The following TMEM179 variants were observed in gnomAD, a reference collection of about 807,000 sequenced individuals.
The protein encoded by TMEM179 is transmembrane protein 179.
Under a neutral mutation model 22.2 loss-of-function variants are expected in TMEM179, and 17 were observed. That is an observed-to-expected ratio of 0.77 (90% CI 0.52 to 1.15). The LOEUF is 1.15. TMEM179 is among the 50% of genes most tolerant of loss of function. TMEM179 has a pLI of 0.00. For missense variants in TMEM179, 265 were observed against 313.6 expected (o/e 0.84, Z 1.17); for synonymous variants, 127 against 140.5 (o/e 0.90, Z 0.68).
At position 104,593,491 on chromosome 14, in the gene TMEM179, G is replaced by A. The variant is rs1886909175; in HGVS notation, c.690C>T (p.Ser230=). Residue 230 remains serine, a synonymous_variant, in exon 4 of 4, where the codon AGC becomes AGT. Transcript: ENST00000556573. The part of the protein sequence containing the change: ...SPRTSFQEEK[S]AVI Reference sequence around the variant, plus strand: ...GCCTGCACTGTGCCTAAATGACAGCGCTCTTCTCCTCTTGGAAGGAGGTGC... The same window carrying A: ...GCCTGCACTGTGCCTAAATGACAGCACTCTTCTCCTCTTGGAAGGAGGTGC... 3.9e-6 allele frequency: 6 copies of A among 1,535,914 alleles called. No individual in the cohort carries two copies. The highest frequency in any genetic ancestry group is 4.4e-6 in the Non-Finnish European group (5 of 1,146,840).
chr14:104,594,948 C>T, intron 3 of TMEM179: 3 of 1,398,862 alleles, frequency 2.1e-6, no homozygotes, highest in Non-Finnish European at 1.9e-6. Flanking sequence ...TCACTGTGGC[C>T]ATCTCCTCCC....
chr14:104,594,677 G>A (rs1566742414), intron 3 of TMEM179: 1 of 1,200,386 alleles, frequency 8.3e-7, no homozygotes, highest in Middle Eastern at 3.3e-4. Flanking sequence ...AGGGCAGGGT[G>A]GCAAATCTGA....
At position 104,597,235 on chromosome 14, in the gene TMEM179, C is replaced by G; in HGVS notation, c.306-108G>C. ...GAGGGGCAGGCTCACTGGACGCCAT[C>G]TCCTGGGCAACCCCCACCAGCAGCA... On this transcript the variant is annotated intron_variant, in intron 1 of 3. Coordinates refer to ENST00000556573, the MANE Select transcript of TMEM179 (RefSeq NM_001286389.2). This position sits in a 1 kb window ranked among gnomAD's most constrained non-coding sequence, Gnocchi z 4.8. The G allele has an allele frequency of 1.4e-6, 2 of 1,432,294 alleles. No individual in the cohort carries two copies. Among genetic ancestry groups the G allele is most frequent in the Non-Finnish European group, 1.9e-6 (2 of 1,077,700 alleles). 88.7% of individuals were successfully genotyped at this position (1,432,294 alleles called of 1,614,324 possible). A position where few individuals can be genotyped will look rare whatever the true frequency, so the allele number is the denominator to read the frequency against.
intron 3 of TMEM179, 62 bp from the exon 4 acceptor site, chr14:104,593,720 T>A: frequency 7.1e-7 from 1 of 1,417,906 alleles, no homozygotes; most frequent in East Asian, 2.6e-5. Context: ...TGCAACCCCC[T>A]CCCACCAGCC....
In TMEM179 at chr14:104,597,149, G is replaced by T; in HGVS notation, c.306-22C>A. 1 of 1,567,564 alleles carries T rather than the reference G, an allele frequency of 6.4e-7. No homozygotes were observed. ...GGAGCTGCAGCCAGAAACAGGAGGG[G>T]CAGGCTCACTGGACACCACCTCCCA... On this transcript the variant is annotated intron_variant, in intron 1 of 3. Transcript: ENST00000556573. The surrounding 1 kb of genome is among the most constrained non-coding windows in gnomAD (Gnocchi z 4.8).
rs75029609 is a variant in TMEM179, at chr14:104,591,397, C to T, written c.*2082G>A. On this transcript the variant is annotated 3_prime_UTR_variant, in exon 4 of 4. Transcript: ENST00000556573. ...GCCACCCCACCTTCTGCTGGGGACA[C>T]AGACAAGGAGCTCTCCGGACTGGAA... is the stretch of plus-strand genomic sequence containing the variant. The T allele has an allele frequency of 3.5e-5, 16 of 456,034 alleles. No homozygotes were observed. The East Asian group carries it at 1.1e-3, about 32-fold the overall frequency. The allele number at this position is 456,034 out of a possible 1,614,324, so 28.2% of individuals were successfully genotyped here.
At chr14:104,603,351 T>C (rs1389313755) in intron 1 of TMEM179, among the ~76,000 whole-genome samples, 4 of 151,716 alleles carry the variant, frequency 2.6e-5, no homozygotes, top group Non-Finnish European at 5.9e-5. Flanking sequence ...GTGCAGGAAG[T>C]GAAAACCTAC....
Position 104,592,715 on chromosome 14 carries a change from C to T in TMEM179, c.*764G>A, listed in dbSNP as rs1433612582. Among the ~76,000 whole-genome samples the T allele has an allele frequency of 5.3e-5, 8 of 152,328 alleles. No individual in the cohort carries two copies. In the East Asian group the frequency reaches 1.5e-3, roughly 29 times the overall value. ...GCACAAAGGCACTCACAATCACATC[C>T]TCCCATACTCACCCACACACAGACC... On this transcript the variant is annotated 3_prime_UTR_variant, in exon 4 of 4. Transcript: ENST00000556573.
intron 2 of TMEM179, 105 bp downstream of exon 2, chr14:104,596,885 G>T: frequency 2.1e-6 from 3 of 1,448,518 alleles, no homozygotes; most frequent in Non-Finnish European, 2.8e-6. Flanking sequence ...AGGGACCGCA[G>T]ACTCAGGATG....
intron 2 of TMEM179, 134 bp downstream of exon 2, chr14:104,596,856 C>T: frequency 4.3e-6 from 5 of 1,154,252 alleles, no homozygotes; most frequent in Non-Finnish European, 4.9e-6. Context: ...CAGGCAGGGG[C>T]ACAGTGCACA....
intron 3 of TMEM179, chr14:104,594,082 T>C: frequency 8.1e-7 from 1 of 1,233,512 alleles, no homozygotes; most frequent in Non-Finnish European, 1.0e-6. Context: ...AGCCGCTGTT[T>C]CCAAACAGTT....
At chr14:104,600,154 G>A (rs537237975) in intron 1 of TMEM179, among the ~76,000 whole-genome samples, 2 of 152,336 alleles carry the variant, frequency 1.3e-5, no homozygotes, top group Admixed American at 1.3e-4. Context: ...TGCCCAGGCT[G>A]TCCAGGTCGT....
rs199711419 is a variant in TMEM179 at position 104,591,266 on chromosome 14, C to T, written c.*2213G>A. 2 of 428,298 alleles carry T rather than the reference C, an allele frequency of 4.7e-6. No homozygotes were observed. Among genetic ancestry groups the T allele is most frequent in the Non-Finnish European group, 9.3e-6 (2 of 215,630 alleles). The allele number at this position is 428,298 out of a possible 1,614,324, so 26.5% of individuals were successfully genotyped here. On this transcript the variant is annotated 3_prime_UTR_variant, in exon 4 of 4. Transcript: ENST00000556573. ...TGCAGCCCCCAAGAACAGACCCAAC[C>T]GGGGCCAAGCCTCAGGTTCCAGAAG... is the stretch of plus-strand genomic sequence containing the variant.
intron 1 of TMEM179, among the ~76,000 whole-genome samples, chr14:104,600,627 C>T (rs1258595285): frequency 6.6e-6 from 1 of 152,226 alleles, no homozygotes; most frequent in African/African-American, 2.4e-5. Context: ...TTCATTCATT[C>T]ATTCATTCAT....
chr14:104,596,914 C>A, intron 2 of TMEM179, 76 bp downstream of exon 2: 1 of 1,543,590 alleles, frequency 6.5e-7, no homozygotes, highest in South Asian at 1.2e-5. Flanking sequence ...GAGGGAAGAT[C>A]ACCCACAGCA....
At position 104,599,793 on chromosome 14, in the gene TMEM179, CA is replaced by C. The variant is rs1350159005; in HGVS notation, c.306-2667del. Among the ~76,000 whole-genome samples the C allele has an allele frequency of 2.0e-5, 3 of 152,106 alleles. No individual in the cohort carries two copies. In the East Asian group the frequency reaches 5.8e-4, roughly 29 times the overall value. The stretch of plus-strand genomic sequence containing the variant: ...CAGAGAGAGAATGGAGAAGGAGACG[CA>C]CTCTGAAGAGCAGGGTCTTTCAGAC... On this transcript the variant is annotated intron_variant, in intron 1 of 3. Coordinates refer to ENST00000556573, the MANE Select transcript of TMEM179 (RefSeq NM_001286389.2).
In TMEM179 at chr14:104,592,192, ACACG is replaced by A. The variant is rs983297825; in HGVS notation, c.*1283_*1286del. 1.4e-4 allele frequency: 22 copies of A among 154,252 alleles called. No homozygotes were observed. Among genetic ancestry groups the A allele is most frequent in the African/African-American group, 5.3e-4 (22 of 41,438 alleles). The allele number at this position is 154,252 out of a possible 1,614,324, so 9.6% of individuals were successfully genotyped here. ...AGGCGTGCACATGCTCACATGCAAC[ACACG>A]CACATTCACATGCACTTACGCACAT... On this transcript the variant is annotated 3_prime_UTR_variant, in exon 4 of 4. Transcript: ENST00000556573.
rs566089387 is a variant in TMEM179 at position 104,594,386 on chromosome 14, G to A, written c.523-728C>T. On this transcript the variant is annotated intron_variant, in intron 3 of 3. Transcript: ENST00000556573. ...GCCTTCAGAGGCCAGCCTGGGGTCC[G>A]GAATTGGACCTGAAGCCAGCGGGCC... 84 of 1,231,660 alleles carry A rather than the reference G, an allele frequency of 6.8e-5. No individual in the cohort carries two copies. In the Middle Eastern group the frequency reaches 1.5e-3, roughly 23 times the overall value. 76.3% of individuals were successfully genotyped at this position (1,231,660 alleles called of 1,614,324 possible).
Position 104,604,564 on chromosome 14 carries a change from A to C in TMEM179, c.178T>G (p.Phe60Val). ...ANLTVQERER[F>V]TVQEWGPPAA... is the part of the protein sequence containing the mutation. ...GGCGGGCCCCACTCCTGCACCGTGA[A>C]GCGCTCGCGCTCCTGCACCGTGAGG... Residue 60 changes from phenylalanine to valine, a missense_variant, in exon 1 of 4, where the codon TTC becomes GTC. Physicochemically the swap from Phe to Val is conservative, Grantham distance 50 (BLOSUM62 -1). Coordinates refer to ENST00000556573, the MANE Select transcript of TMEM179 (RefSeq NM_001286389.2). The surrounding 1 kb of genome is among the most constrained non-coding windows in gnomAD (Gnocchi z 4.6). The C allele has an allele frequency of 6.5e-7, 1 of 1,534,108 alleles. No individual in the cohort carries two copies. The highest frequency in any genetic ancestry group is 8.7e-7 in the Non-Finnish European group (1 of 1,143,522).
Sources: allele counts gnomAD v4.1 joint callset (sites outside exome capture counted in the v4.1 genomes callset), GRCh38; gene constraint gnomAD v4.1.1; non-coding constraint Gnocchi (gnomAD v3.1); transcripts MANE v1.5; gene names NCBI Gene and HGNC (gene_info 2026-07-23, HGNC 2026-07-21).